EEIG1: variants seen among roughly 807,000 people sequenced by gnomAD.
EEIG1 encodes the protein early estrogen-induced gene 1 protein.
At chr9:127,952,870 C>T in the EEIG1 span, among the ~76,000 whole-genome samples, 1 of 152,172 alleles carries the variant, frequency 6.6e-6, no homozygotes, top group African/African-American at 2.4e-5. Flanking sequence ...TGCACCACCA[C>T]ACCTGGTTAA....
At chr9:127,967,977 C>CT in the EEIG1 span, among the ~76,000 whole-genome samples, 114 of 99,230 alleles carry the variant, frequency 1.1e-3, no homozygotes, top group East Asian at 4.6e-3. Flanking sequence ...TTCCCCAGGT[C>CT]TTTTTTTTTT....
At chr9:127,964,191 C>T in the EEIG1 span, among the ~76,000 whole-genome samples, 15 of 152,310 alleles carry the variant, frequency 9.8e-5, no homozygotes, top group South Asian at 1.0e-3. Flanking sequence ...TGTAAAAGGA[C>T]GACTTACCCA....
At chr9:127,962,583 G>T in the EEIG1 span, among the ~76,000 whole-genome samples, 94 of 152,326 alleles carry the variant, frequency 6.2e-4, no homozygotes, top group Middle Eastern at 3.4e-3. Flanking sequence ...AGTGCTAAGA[G>T]GGCAGGCCTG....
chr9:127,977,095 C>T, the EEIG1 span, among the ~76,000 whole-genome samples: 10 of 152,316 alleles, frequency 6.6e-5, no homozygotes, highest in Non-Finnish European at 1.3e-4. Context: ...TCTAAACTGG[C>T]CTCAGGTTCC....
the EEIG1 span, among the ~76,000 whole-genome samples, chr9:127,968,011 G>T: frequency 2.7e-4 from 38 of 140,720 alleles, 1 homozygote; most frequent in South Asian, 8.2e-3. Flanking sequence ...GAGGTAAGGG[G>T]TCTCACTATG....
the EEIG1 span, among the ~76,000 whole-genome samples, chr9:127,978,684 A>T: frequency 6.6e-6 from 1 of 152,014 alleles, no homozygotes; most frequent in South Asian, 2.1e-4. Context: ...TACTAAAAAT[A>T]CAAAAAAATT....
chr9:127,958,252 T>C, the EEIG1 span, among the ~76,000 whole-genome samples: 1 of 152,116 alleles, frequency 6.6e-6, no homozygotes, highest in Non-Finnish European at 1.5e-5. Flanking sequence ...CTATAAAATG[T>C]TGGAAAAAAG....
At chr9:127,973,699 G>T in the EEIG1 span, among the ~76,000 whole-genome samples, 21 of 152,334 alleles carry the variant, frequency 1.4e-4, no homozygotes, top group Admixed American at 8.5e-4. The surrounding 1 kb of genome is among the most constrained non-coding windows in gnomAD (Gnocchi z 4.2). Context: ...TGGTACCACA[G>T]CCTCGCTGCC....
At chr9:127,943,349 G>A in the EEIG1 span, 2 of 1,038,558 alleles carry the variant, frequency 1.9e-6, no homozygotes, top group African/African-American at 1.6e-5. Flanking sequence ...AACCAGCCCT[G>A]TGTTGCAAAG....
chr9:127,953,931 G>A, the EEIG1 span: 1 of 1,613,514 alleles, frequency 6.2e-7, no homozygotes, highest in Non-Finnish European at 8.5e-7. Flanking sequence ...CCTCCCTGTG[G>A]GCCAGAGGCG....
the EEIG1 span, chr9:127,945,012 C>G: frequency 7.8e-7 from 1 of 1,275,670 alleles, no homozygotes; most frequent in Non-Finnish European, 1.1e-6. The surrounding 1 kb of genome is among the most constrained non-coding windows in gnomAD (Gnocchi z 6.5). Context: ...TGTCCCTGTG[C>G]GCTCCGTGCT....
the EEIG1 span, among the ~76,000 whole-genome samples, chr9:127,968,102 C>A: frequency 4.0e-5 from 6 of 150,452 alleles, no homozygotes; most frequent in Non-Finnish European, 5.9e-5. Context: ...GCCTGGCTTC[C>A]TTAGATCTTA....
At chr9:127,974,636 G>A in the EEIG1 span, among the ~76,000 whole-genome samples, 1,418 of 152,298 alleles carry the variant, frequency 9.3e-3, 7 homozygotes, top group Non-Finnish European at 0.014. Flanking sequence ...ACACCTGGAC[G>A]GAAATGCCTC....
the EEIG1 span, among the ~76,000 whole-genome samples, chr9:127,962,150 C>T: frequency 2.0e-5 from 3 of 152,164 alleles, no homozygotes; most frequent in African/African-American, 7.2e-5. Flanking sequence ...AGGAAGGGAA[C>T]ATGCAGAAGG....
chr9:127,963,305 C>T, the EEIG1 span, among the ~76,000 whole-genome samples: 1 of 152,254 alleles, frequency 6.6e-6, no homozygotes, highest in South Asian at 2.1e-4. Context: ...GGAGTCACCC[C>T]ATGCAGTACA....
the EEIG1 span, chr9:127,944,486 A>G: frequency 2.9e-6 from 2 of 691,110 alleles, no homozygotes; most frequent in African/African-American, 1.8e-5. Context: ...GTTCAGAGAC[A>G]TGACAGGCCC....
At chr9:127,977,005 G>A in the EEIG1 span, among the ~76,000 whole-genome samples, 1 of 143,952 alleles carries the variant, frequency 6.9e-6, no homozygotes, top group South Asian at 2.5e-4. Flanking sequence ...GGTGGGTGGG[G>A]TACGGGTGGA....
chr9:127,941,411 C>T, the EEIG1 span: 1 of 152,618 alleles, frequency 6.6e-6, no homozygotes, highest in African/African-American at 2.4e-5. Context: ...GGGGCCAATT[C>T]GTCTGGACAC....
the EEIG1 span, among the ~76,000 whole-genome samples, chr9:127,965,063 C>T: frequency 6.3e-5 from 8 of 127,730 alleles, no homozygotes; most frequent in South Asian, 1.3e-3. Flanking sequence ...GAGCCAAGAT[C>T]GCGCCATCGC....
Sources: gnomAD v4.1 joint callset for allele counts (sites outside exome capture counted in the v4.1 genomes callset) on GRCh38, gnomAD v4.1.1 for gene constraint, Gnocchi (gnomAD v3.1) non-coding constraint, MANE v1.5 for transcripts, NCBI Gene and HGNC (gene_info 2026-07-23, HGNC 2026-07-21) for gene names.